Variants in IMMP2L observed in about 807,000 individuals in gnomAD.
IMMP2L encodes mitochondrial inner membrane protease subunit 2.
A neutral mutation model predicts 19.3 loss-of-function variants in IMMP2L; 18 were observed. That is an observed-to-expected ratio of 0.93 (90% CI 0.64 to 1.38). The LOEUF is 1.38. Among genes scored for constraint, IMMP2L ranks in the 40% most tolerant of loss-of-function variants. The pLI is 0.00. For missense variants in IMMP2L, 233 were observed against 218.2 expected (o/e 1.07, Z -0.43); for synonymous variants, 76 against 73.0 (o/e 1.04, Z -0.21).
rs10234144 is a variant in IMMP2L at position 110,870,568 on chromosome 7, G to A, written c.408+16025C>T. Among the ~76,000 whole-genome samples, 5,929 of 152,136 alleles carry A rather than the reference G, an allele frequency of 0.039. 377 individuals carry two copies. The highest frequency in any genetic ancestry group is 0.13 in the African/African-American group (5,510 of 41,492). On this transcript the variant is annotated intron_variant, in intron 5 of 5. Coordinates refer to ENST00000405709, the MANE Select transcript of IMMP2L (RefSeq NM_032549.4). The surrounding 1 kb of genome is among the most constrained non-coding windows in gnomAD (Gnocchi z 4.2). ...TGTGTGTGAGTGTGTGTGTGTGCAC[G>A]CGCATGTGTGCGTGTGTTCCATTTT...
chr7:111,277,566 TAA>T (rs34068307), intron 3 of IMMP2L, among the ~76,000 whole-genome samples: 361 of 136,390 alleles, frequency 2.6e-3, no homozygotes, highest in Middle Eastern at 7.9e-3. Context: ...TTGTCTCATT[TAA>T]AAAAAAAAAA....
At chr7:111,489,928 G>A (rs1273813979) in intron 2 of IMMP2L, among the ~76,000 whole-genome samples, 3 of 151,934 alleles carry the variant, frequency 2.0e-5, no homozygotes, top group African/African-American at 4.8e-5. Flanking sequence ...CCTGAGTAGA[G>A]CTGCGACTAC....
At chr7:111,523,450 T>C (rs1846542429) in intron 1 of IMMP2L, among the ~76,000 whole-genome samples, 1 of 152,020 alleles carries the variant, frequency 6.6e-6, no homozygotes, top group Non-Finnish European at 1.5e-5. Context: ...CAACCACTAA[T>C]TCCCTCCCAA....
chr7:111,459,206 T>A (rs1839933866), intron 3 of IMMP2L, among the ~76,000 whole-genome samples: 1 of 151,898 alleles, frequency 6.6e-6, no homozygotes, highest in South Asian at 2.1e-4. Context: ...AAAACTGTTA[T>A]CTTATCATTA....
rs577778814 is a variant in IMMP2L, at chr7:111,331,414, G to A, written c.239+155824C>T. ...AGAGAGTAGGATGGTGGTTAAAGCA[G>A]TTCAGGCAGTAAGGAATGGGGAAAT... is the stretch of plus-strand genomic sequence containing the variant. On this transcript the variant is annotated intron_variant, in intron 3 of 5. Transcript: ENST00000405709. 5.3e-5 allele frequency among the ~76,000 whole-genome samples: 8 copies of A among 152,008 alleles called. No individual in the cohort carries two copies. In the East Asian group the frequency reaches 1.5e-3, roughly 29 times the overall value.
intron 5 of IMMP2L, among the ~76,000 whole-genome samples, chr7:110,673,859 A>T (rs1031423822): frequency 1.3e-5 from 2 of 152,108 alleles, no homozygotes; most frequent in African/African-American, 4.8e-5. Flanking sequence ...CTGTCTTCTG[A>T]GCCCTCCAAG....
intron 3 of IMMP2L, among the ~76,000 whole-genome samples, chr7:110,975,619 G>A (rs1203846204): frequency 2.0e-5 from 3 of 152,072 alleles, no homozygotes; most frequent in Non-Finnish European, 2.9e-5. Flanking sequence ...ACAGCTTCTA[G>A]ATGTTTTAGT....
intron 3 of IMMP2L, among the ~76,000 whole-genome samples, chr7:111,275,810 T>C (rs1486102869): frequency 1.3e-5 from 2 of 152,108 alleles, no homozygotes; most frequent in African/African-American, 4.8e-5. Context: ...CTATTGTAAA[T>C]GGGATTGTCT....
At chr7:110,744,514 G>A (rs1240449257) in intron 5 of IMMP2L, among the ~76,000 whole-genome samples, 2 of 152,182 alleles carry the variant, frequency 1.3e-5, no homozygotes, top group African/African-American at 4.8e-5. Flanking sequence ...CTGGCATCTG[G>A]TGGGTGCCCC....
chr7:111,004,168 A>G (rs1824042918), intron 3 of IMMP2L, among the ~76,000 whole-genome samples: 2 of 152,106 alleles, frequency 1.3e-5, no homozygotes, highest in Admixed American at 6.6e-5. Context: ...CTTCTATAAA[A>G]GAGAAAATAA....
At chr7:110,985,966 C>T (rs965568406) in intron 3 of IMMP2L, among the ~76,000 whole-genome samples, 3 of 152,114 alleles carry the variant, frequency 2.0e-5, no homozygotes, top group Admixed American at 2.0e-4. Flanking sequence ...ACATAGGAAG[C>T]TCACTAGGAA....
intron 4 of IMMP2L, among the ~76,000 whole-genome samples, chr7:110,926,427 C>G (rs2129551121): frequency 6.6e-6 from 1 of 152,148 alleles, no homozygotes; most frequent in African/African-American, 2.4e-5. Context: ...GAAGTAAATA[C>G]CAAACTAGGT....
rs867096254 is a variant in IMMP2L at position 111,351,306 on chromosome 7, T to C, written c.239+135932A>G. Among the ~76,000 whole-genome samples the C allele has an allele frequency of 3.1e-4, 47 of 152,316 alleles. No individual in the cohort carries two copies. In the Middle Eastern group the frequency reaches 0.01, roughly 33 times the overall value. The stretch of plus-strand genomic sequence containing the variant: ...CCTGGGTTCAAGCGATTCTCCTGCC[T>C]CAGCCTCTCGAGTAGCTGAGATTAC... On this transcript the variant is annotated intron_variant, in intron 3 of 5. Transcript: ENST00000405709.
chr7:110,950,922 A>ATG (rs1306434550), intron 4 of IMMP2L, among the ~76,000 whole-genome samples: 1 of 148,640 alleles, frequency 6.7e-6, no homozygotes, highest in East Asian at 2.0e-4. Context: ...ATATATATAT[A>ATG]TGAACTTCAA....
intron 4 of IMMP2L, among the ~76,000 whole-genome samples, chr7:110,946,227 G>A (rs2129553563): frequency 6.6e-6 from 1 of 152,244 alleles, no homozygotes; most frequent in South Asian, 2.1e-4. Context: ...TTTCTAACAA[G>A]TTCCCTGCTG....
intron 3 of IMMP2L, among the ~76,000 whole-genome samples, chr7:111,378,457 A>G (rs1257150708): frequency 6.6e-6 from 1 of 151,992 alleles, no homozygotes; most frequent in East Asian, 1.9e-4. Context: ...AATACTTCAC[A>G]TTTATTAGTA....
At chr7:110,968,672 C>CA (rs1414431871) in intron 3 of IMMP2L, among the ~76,000 whole-genome samples, 1 of 151,546 alleles carries the variant, frequency 6.6e-6, no homozygotes, top group African/African-American at 2.4e-5. Context: ...GACCTTGTCT[C>CA]AAAAAAAAGT....
intron 3 of IMMP2L, among the ~76,000 whole-genome samples, chr7:111,465,036 C>T (rs977262070): frequency 3.3e-5 from 5 of 152,112 alleles, no homozygotes; most frequent in African/African-American, 1.2e-4. Flanking sequence ...ACCTTGTGAT[C>T]CACCCGCCTT....
At chr7:110,900,663 A>G (rs1345980842) in intron 4 of IMMP2L, among the ~76,000 whole-genome samples, 1 of 152,166 alleles carries the variant, frequency 6.6e-6, no homozygotes, top group Non-Finnish European at 1.5e-5. Context: ...CCTTAACATT[A>G]TGGACATTTT....
Sources: gnomAD v4.1 joint callset for allele counts (sites outside exome capture counted in the v4.1 genomes callset) on GRCh38, gnomAD v4.1.1 for gene constraint, Gnocchi (gnomAD v3.1) non-coding constraint, MANE v1.5 for transcripts, NCBI Gene and HGNC (gene_info 2026-07-23, HGNC 2026-07-21) for gene names.